The following MIA2 variants were observed in gnomAD, a reference collection of about 807,000 sequenced individuals.
MIA2 encodes melanoma inhibitory activity protein 2.
In MIA2, 127 loss-of-function variants were observed where a neutral mutation model predicts 167.8. The observed-to-expected ratio is 0.76, with a 90% CI of 0.66 to 0.88. MIA2 has a LOEUF of 0.88. Ranked by LOEUF, MIA2 falls within the 40% of genes least tolerant of loss-of-function variation. The probability of loss-of-function intolerance (pLI) is 0.00; values close to 1 mark genes in which losing one functional copy is unlikely to be tolerated. For missense variants in MIA2, 1,690 were observed against 1,624.7 expected (o/e 1.04, Z -0.69); for synonymous variants, 552 against 541.9 (o/e 1.02, Z -0.26).
intron 23 of MIA2, among the ~76,000 whole-genome samples, chr14:39,359,769 G>A (rs1435429511): frequency 1.3e-5 from 2 of 152,172 alleles, no homozygotes; most frequent in African/African-American, 4.8e-5. Flanking sequence ...CTTTGCTATT[G>A]TCAGTAGTGC....
At chr14:39,298,530 G>GTTTTTTTTTT (rs764475842) in intron 13 of MIA2, among the ~76,000 whole-genome samples, 24 of 26,178 alleles carry the variant, frequency 9.2e-4, no homozygotes, top group Non-Finnish European at 1.2e-3. Context: ...GTAGAACAGA[G>GTTTTTTTTTT]TTTTTTTTTT....
chr14:39,324,732 G>A (rs1566927397), intron 24 of MIA2, among the ~76,000 whole-genome samples: 1 of 151,798 alleles, frequency 6.6e-6, no homozygotes, highest in Non-Finnish European at 1.5e-5. Context: ...TTAGCTTCCC[G>A]AGTAGCTGGG....
intron 9 of MIA2, 129 bp from the exon 10 acceptor site, chr14:39,290,890 G>A: frequency 2.3e-6 from 2 of 861,624 alleles, no homozygotes; most frequent in East Asian, 2.9e-5. Flanking sequence ...AAAACTTAAA[G>A]CTAAGTAAAT....
chr14:39,237,380 G>A (rs1031512559), intron 2 of MIA2: 6 of 308,000 alleles, frequency 1.9e-5, no homozygotes, highest in Non-Finnish European at 3.2e-5. Context: ...TGCCTGCTTC[G>A]GCCTCCCAAA....
chr14:39,335,588 C>G (rs1286891145), intron 25 of MIA2, among the ~76,000 whole-genome samples: 1 of 151,714 alleles, frequency 6.6e-6, no homozygotes, highest in African/African-American at 2.4e-5. Context: ...TCCAGACATT[C>G]TTTTAAAAAA....
intron 6 of MIA2, among the ~76,000 whole-genome samples, chr14:39,258,305 T>C (rs755729768): frequency 2.0e-5 from 3 of 152,206 alleles, no homozygotes; most frequent in Non-Finnish European, 2.9e-5. Context: ...TTTTCTCTAA[T>C]CTTGTCTTCA....
At position 39,248,353 on chromosome 14, in the gene MIA2, C is replaced by T. The variant is rs1309244781; in HGVS notation, c.1567+212C>T. ...AATGATTGGAGATCTAAAGATGCTCCAAGAAAATCTTAAAGTATTTTACAA... is the reference window on the plus strand; with the variant it reads ...AATGATTGGAGATCTAAAGATGCTCTAAGAAAATCTTAAAGTATTTTACAA... On this transcript the variant is annotated intron_variant, in intron 4 of 28. Transcript: ENST00000640607. 1.4e-5 allele frequency: 4 copies of T among 277,250 alleles called. No individual in the cohort carries two copies. In the Admixed American group the frequency reaches 2.1e-4, roughly 15 times the overall value. 17.2% of individuals were successfully genotyped at this position (277,250 alleles called of 1,614,324 possible). A position where few individuals can be genotyped will look rare whatever the true frequency, so the allele number is the denominator to read the frequency against.
chr14:39,365,885 T>A (rs1416800339), intron 23 of MIA2, among the ~76,000 whole-genome samples: 1 of 152,242 alleles, frequency 6.6e-6, no homozygotes, highest in Non-Finnish European at 1.5e-5. Context: ...TCACATTTTC[T>A]TTCTTTTTTA....
At chr14:39,331,737 A>C (rs2068928239) in intron 25 of MIA2, among the ~76,000 whole-genome samples, 1 of 152,162 alleles carries the variant, frequency 6.6e-6, no homozygotes, top group Non-Finnish European at 1.5e-5. Flanking sequence ...GCTGGATATG[A>C]AATTCTGGGT....
chr14:39,318,474 C>G (rs2152959434), intron 22 of MIA2, among the ~76,000 whole-genome samples: 1 of 152,174 alleles, frequency 6.6e-6, no homozygotes, highest in Non-Finnish European at 1.5e-5. Context: ...TGTACAATAG[C>G]AGGGAAGAAT....
chr14:39,236,868 G>A, intron 1 of MIA2, 54 bp from the exon 2 acceptor site: 2 of 1,494,002 alleles, frequency 1.3e-6, no homozygotes, highest in Non-Finnish European at 1.8e-6. Flanking sequence ...ATGAAAGGAG[G>A]AGAAATATCA....
In MIA2 at chr14:39,303,505, A is replaced by G. The variant is rs2062847400; in HGVS notation, c.2768A>G (p.Lys923Arg). ...LDNPPKGALK[K>R]LIHAAKLNAS... Reference sequence around the variant, plus strand: ...AATCCTCCAAAAGGAGCTTTGAAGAAACTGATTCATGCTGCTAAGGTTTGT... The same window carrying G: ...AATCCTCCAAAAGGAGCTTTGAAGAGACTGATTCATGCTGCTAAGGTTTGT... Residue 923 changes from lysine to arginine, a missense_variant, in exon 16 of 29, where the codon AAA becomes AGA. Coordinates refer to ENST00000640607, the MANE Select transcript of MIA2 (RefSeq NM_001329214.4). The G allele has an allele frequency of 1.2e-6, 2 of 1,611,254 alleles. No homozygotes were observed. The highest frequency in any genetic ancestry group is 1.7e-6 in the Non-Finnish European group (2 of 1,178,322).
intron 4 of MIA2, among the ~76,000 whole-genome samples, chr14:39,249,551 G>A (rs1040184942): frequency 6.6e-6 from 1 of 151,918 alleles, no homozygotes; most frequent in Non-Finnish European, 1.5e-5. Flanking sequence ...AAAAAAAAGG[G>A]AAAAAGTTTT....
chr14:39,275,800 C>T (rs1233104362), intron 6 of MIA2, among the ~76,000 whole-genome samples: 9 of 151,900 alleles, frequency 5.9e-5, no homozygotes, highest in South Asian at 2.1e-4. Context: ...CGAACTGGTA[C>T]CTAGGGTAAT....
intron 9 of MIA2, 65 bp from the exon 10 acceptor site, chr14:39,290,954 T>C: frequency 7.4e-7 from 1 of 1,358,680 alleles, no homozygotes; most frequent in Non-Finnish European, 1.0e-6. Context: ...TTCTTAGGCA[T>C]CTATCCAGAT....
intron 23 of MIA2, among the ~76,000 whole-genome samples, chr14:39,366,344 G>C (rs1480948131): frequency 1.3e-5 from 2 of 152,158 alleles, no homozygotes; most frequent in Non-Finnish European, 2.9e-5. Flanking sequence ...TAGTTGCATT[G>C]GTGGGCCAGG....
chr14:39,238,866 A>C (rs1229142199), intron 2 of MIA2, among the ~76,000 whole-genome samples: 2 of 150,206 alleles, frequency 1.3e-5, no homozygotes, highest in East Asian at 3.9e-4. Context: ...CCGAAGCTTT[A>C]GTATGCTGAA....
intron 24 of MIA2, among the ~76,000 whole-genome samples, chr14:39,325,194 A>C (rs2067236535): frequency 6.6e-6 from 1 of 151,942 alleles, no homozygotes; most frequent in Admixed American, 6.6e-5. Flanking sequence ...ACTGCACTCC[A>C]GTCTGGGTAA....
intron 6 of MIA2, among the ~76,000 whole-genome samples, chr14:39,271,428 GTT>G (rs2057127166): frequency 6.6e-6 from 1 of 152,096 alleles, no homozygotes; most frequent in Admixed American, 6.5e-5. Context: ...GTCCCCCAGC[GTT>G]GTTTTTGTTT....
Sources: gnomAD v4.1 joint callset for allele counts (sites outside exome capture counted in the v4.1 genomes callset) on GRCh38, gnomAD v4.1.1 for gene constraint, MANE v1.5 for transcripts, NCBI Gene and HGNC (gene_info 2026-07-23, HGNC 2026-07-21) for gene names.